Variants in CACNA1B observed in about 807,000 individuals in gnomAD.
CACNA1B encodes the protein calcium voltage-gated channel subunit alpha1 B, also known as voltage-dependent N-type calcium channel subunit alpha-1B.
A neutral mutation model predicts 247.2 loss-of-function variants in CACNA1B; 70 were observed. The ratio of observed to expected loss-of-function variants is 0.28; its 90% CI spans 0.23 to 0.35. The LOEUF is 0.35. Among genes scored for constraint, CACNA1B ranks in the 10% least tolerant of loss-of-function variants. The pLI, the probability that CACNA1B is intolerant of heterozygous loss-of-function variation, is 1.00. For synonymous variants in CACNA1B, 1,231 were observed against 1,294.4 expected (o/e 0.95, Z 1.05); for missense variants, 2,367 against 3,197.4 (o/e 0.74, Z 6.26).
At chr9:138,028,142 C>T (rs1380360882) in intron 20 of CACNA1B, among the ~76,000 whole-genome samples, 2 of 150,644 alleles carry the variant, frequency 1.3e-5, no homozygotes, top group Admixed American at 1.3e-4. Context: ...CCTTCCTCAG[C>T]CTCTCGAGTA....
intron 36 of CACNA1B, among the ~76,000 whole-genome samples, chr9:138,092,295 A>G (rs1425764073): frequency 1.3e-5 from 2 of 152,198 alleles, no homozygotes; most frequent in Admixed American, 6.5e-5. Context: ...CCTGGTCGTC[A>G]ACCACATAAG....
At chr9:137,972,184 C>T (rs150622508) in intron 11 of CACNA1B, among the ~76,000 whole-genome samples, 26 of 148,300 alleles carry the variant, frequency 1.8e-4, no homozygotes, top group African/African-American at 5.3e-4. Context: ...CAGGATGGGC[C>T]CCTCCAGGCC....
At chr9:138,061,121 C>G (rs1009031828) in intron 31 of CACNA1B, among the ~76,000 whole-genome samples, 11 of 152,212 alleles carry the variant, frequency 7.2e-5, no homozygotes, top group African/African-American at 2.7e-4. Context: ...GGAGAAAGGC[C>G]CAGTGAAGCC....
chr9:137,886,582 G>A (rs1355852653), intron 3 of CACNA1B, among the ~76,000 whole-genome samples: 3 of 151,196 alleles, frequency 2.0e-5, no homozygotes, highest in Non-Finnish European at 4.4e-5. Flanking sequence ...ACCTCTGCCC[G>A]GTGGCCCATG....
chr9:137,975,358 A>C (rs997158325), intron 11 of CACNA1B, among the ~76,000 whole-genome samples: 1 of 152,102 alleles, frequency 6.6e-6, no homozygotes, highest in African/African-American at 2.4e-5. Flanking sequence ...AGCAAACGTG[A>C]ACAGAATACA....
At position 138,058,559 on chromosome 9, in the gene CACNA1B, C is replaced by A. The variant is rs1472222206; in HGVS notation, c.4309-10C>A. 1 of 1,605,382 alleles carries A rather than the reference C, an allele frequency of 6.2e-7. No homozygotes were observed. The highest frequency in any genetic ancestry group is 8.5e-7 in the Non-Finnish European group (1 of 1,176,962). On this transcript the variant is annotated splice_polypyrimidine_tract_variant and intron_variant, in intron 28 of 46. Coordinates refer to ENST00000371372, the MANE Select transcript of CACNA1B (RefSeq NM_000718.4). The surrounding 1 kb of genome is among the most constrained non-coding windows in gnomAD (Gnocchi z 4.7). ...CTTCTGAGTCTCTGTGCTCCTTTCT[C>A]CCCTTACAGAGGGCTTGCATTGACT...
intron 37 of CACNA1B, 43 bp downstream of exon 37, chr9:138,096,654 T>A (rs1564284381): frequency 6.3e-7 from 1 of 1,584,496 alleles, no homozygotes; most frequent in Admixed American, 1.7e-5. Flanking sequence ...GGGTGGTCCA[T>A]GCCCATAGAT....
In CACNA1B at chr9:137,910,570, C is replaced by T. The variant is rs1957348587; in HGVS notation, c.531-2610C>T. 2.0e-5 allele frequency among the ~76,000 whole-genome samples: 3 copies of T among 152,106 alleles called. No individual in the cohort carries two copies. The South Asian group carries it at 6.2e-4, about 32-fold the overall frequency. ...CCATAATATAGAGTCAGTGGGAGCCCTGAGATTGTTGTCCTGCAACTAGAC... is the reference window on the plus strand; with the variant it reads ...CCATAATATAGAGTCAGTGGGAGCCTTGAGATTGTTGTCCTGCAACTAGAC... On this transcript the variant is annotated intron_variant, in intron 3 of 46. Transcript: ENST00000371372.
At chr9:137,892,584 C>T (rs1430707659) in intron 3 of CACNA1B, 7 of 357,028 alleles carry the variant, frequency 2.0e-5, no homozygotes. Flanking sequence ...GCCACAGGCA[C>T]CCCGAAGGGG....
chr9:138,082,559 G>A (rs1403761301), intron 36 of CACNA1B, among the ~76,000 whole-genome samples: 4 of 151,342 alleles, frequency 2.6e-5, no homozygotes, highest in Non-Finnish European at 4.4e-5. Context: ...AGGTTACAAA[G>A]TCTGTTTACA....
At chr9:138,015,628 G>A (rs1958782424) in intron 18 of CACNA1B, among the ~76,000 whole-genome samples, 1 of 152,230 alleles carries the variant, frequency 6.6e-6, no homozygotes, top group African/African-American at 2.4e-5. Context: ...CGGGCTTGGT[G>A]CCCTGGGTGC....
intron 15 of CACNA1B, among the ~76,000 whole-genome samples, chr9:137,987,059 C>T (rs952977375): frequency 7.2e-5 from 11 of 152,322 alleles, no homozygotes; most frequent in Middle Eastern, 3.4e-3. Flanking sequence ...CCAGCCCCTA[C>T]GGTGAAGGAA....
At chr9:137,978,017 C>T (rs150220245) in intron 12 of CACNA1B, among the ~76,000 whole-genome samples, 2,119 of 145,526 alleles carry the variant, frequency 0.015, 39 homozygotes, top group African/African-American at 0.048. Context: ...AGCACTGCCC[C>T]CCCAGGAAGG....
chr9:138,111,189 C>T (rs72770904), intron 39 of CACNA1B, among the ~76,000 whole-genome samples: 446 of 152,350 alleles, frequency 2.9e-3, no homozygotes, highest in Admixed American at 4.6e-3. Context: ...CATACATCCA[C>T]ACAATCTATG....
At chr9:137,945,923 A>T (rs1281581948) in intron 6 of CACNA1B, among the ~76,000 whole-genome samples, 7 of 152,082 alleles carry the variant, frequency 4.6e-5, no homozygotes, top group Non-Finnish European at 8.8e-5. Context: ...GGTTCAAGCA[A>T]TTCTGCTGCC....
At chr9:138,025,409 A>G (rs1958909581) in intron 20 of CACNA1B, among the ~76,000 whole-genome samples, 1 of 152,234 alleles carries the variant, frequency 6.6e-6, no homozygotes, top group African/African-American at 2.4e-5. Flanking sequence ...AAATATTTGC[A>G]CGTTGCCAAC....
At chr9:138,095,013 G>C (rs1284752428) in intron 36 of CACNA1B, among the ~76,000 whole-genome samples, 3 of 152,138 alleles carry the variant, frequency 2.0e-5, no homozygotes, top group Non-Finnish European at 2.9e-5. Flanking sequence ...ACTATTAGAA[G>C]AATACATAAA....
chr9:138,107,285 C>CA (rs1961465486), intron 39 of CACNA1B, among the ~76,000 whole-genome samples: 1 of 149,938 alleles, frequency 6.7e-6, no homozygotes, highest in African/African-American at 2.5e-5. Flanking sequence ...CTCACTGTGT[C>CA]ACCCAGGCTG....
At chr9:138,117,739 G>A (rs1207682425) in intron 42 of CACNA1B, among the ~76,000 whole-genome samples, 1 of 152,146 alleles carries the variant, frequency 6.6e-6, no homozygotes, top group Non-Finnish European at 1.5e-5. Flanking sequence ...GTCCTTTGAT[G>A]AGGCTTTGCC....
Sources: allele counts gnomAD v4.1 joint callset (sites outside exome capture counted in the v4.1 genomes callset), GRCh38; gene constraint gnomAD v4.1.1; non-coding constraint Gnocchi (gnomAD v3.1); transcripts MANE v1.5; gene names NCBI Gene and HGNC (gene_info 2026-07-23, HGNC 2026-07-21).